Variants in MCPH1 observed in about 807,000 individuals in gnomAD.
MCPH1 encodes microcephalin.
In MCPH1, 104 loss-of-function variants were observed where a neutral mutation model predicts 84.5. That is an observed-to-expected ratio of 1.23 (90% confidence interval 1.05 to 1.45). MCPH1 has a LOEUF of 1.45. Ranked by LOEUF, MCPH1 falls within the 40% of genes most tolerant of loss-of-function variation. MCPH1 has a pLI of 0.00. For synonymous variants in MCPH1, 514 were observed against 366.8 expected (o/e 1.40, Z -4.58); for missense variants, 1,498 against 1,005.7 (o/e 1.49, Z -6.62).
Position 6,436,130 on chromosome 8 carries a change from C to G in MCPH1, c.404C>G (p.Ala135Gly), listed in dbSNP as rs760700224. 1.2e-6 allele frequency: 2 copies of G among 1,613,456 alleles called. No individual in the cohort carries two copies. The highest frequency in any genetic ancestry group is 2.2e-5 in the East Asian group (1 of 44,848). Residue 135 changes from alanine to glycine, a missense_variant, in exon 5 of 14, where the codon GCT becomes GGT. By Grantham distance (60) the Ala-to-Gly change is moderately conservative. Transcript: ENST00000344683. ...TTTCAGAAGAAATTTGAGAAAATGGCTAAAGAGCTACAAAGGCAAAAAACA... is the reference window on the plus strand; with the variant it reads ...TTTCAGAAGAAATTTGAGAAAATGGGTAAAGAGCTACAAAGGCAAAAAACA... ...KRFQKKFEKM[A>G]KELQRQKTNL...
At chr8:6,591,888 C>G (rs952067044) in intron 12 of MCPH1, among the ~76,000 whole-genome samples, 1 of 152,088 alleles carries the variant, frequency 6.6e-6, no homozygotes, top group Admixed American at 6.6e-5. Context: ...GTAGGTATAT[C>G]GTGTTCACTG....
intron 11 of MCPH1, among the ~76,000 whole-genome samples, chr8:6,481,816 G>A (rs1486730925): frequency 2.0e-5 from 3 of 152,172 alleles, no homozygotes; most frequent in Admixed American, 6.5e-5. Context: ...TATTAGTACT[G>A]CTTTATGTTT....
chr8:6,526,070 T>G (rs1185279267), intron 12 of MCPH1, among the ~76,000 whole-genome samples: 1 of 152,046 alleles, frequency 6.6e-6, no homozygotes, highest in Non-Finnish European at 1.5e-5. Flanking sequence ...CCAGCTCCCA[T>G]GTGTTCCAGG....
At chr8:6,632,679 C>T (rs2433143) in intron 13 of MCPH1, among the ~76,000 whole-genome samples, 31,057 of 151,890 alleles carry the variant, frequency 0.2, 3,523 homozygotes, top group Non-Finnish European at 0.27. Flanking sequence ...CGTGGTGGCA[C>T]GTGCCTGTAG....
intron 6 of MCPH1, 76 bp from the exon 7 acceptor site, chr8:6,441,988 TAGG>T (rs892985360): frequency 5.2e-5 from 49 of 938,624 alleles, no homozygotes; most frequent in South Asian, 3.7e-4. Context: ...CTATGATTAA[TAGG>T]AGGACTTCCT....
At chr8:6,572,800 G>A (rs186383453) in intron 12 of MCPH1, among the ~76,000 whole-genome samples, 125 of 152,330 alleles carry the variant, frequency 8.2e-4, no homozygotes, top group Non-Finnish European at 1.4e-3. Flanking sequence ...TGTCCCATCT[G>A]GATGCACAAG....
intron 12 of MCPH1, among the ~76,000 whole-genome samples, chr8:6,576,682 ATTTTTTTTTTTTTTTTTTTTT>A (rs58486084): frequency 1.6e-3 from 67 of 42,348 alleles, no homozygotes; most frequent in Middle Eastern, 0.018. Context: ...TAATTTTTGT[ATTTTTTTTTTTTTTTTTTTTT>A]TTTTTTTTTT....
chr8:6,407,131 G>T (rs2129550385), intron 1 of MCPH1: 3 of 258,242 alleles, frequency 1.2e-5, no homozygotes. Context: ...CTCACTGGCA[G>T]GCAGAGTCCT....
chr8:6,594,598 C>G (rs1390052089), intron 12 of MCPH1, among the ~76,000 whole-genome samples: 5 of 152,184 alleles, frequency 3.3e-5, no homozygotes, highest in African/African-American at 1.2e-4. Context: ...TCGCATCAGG[C>G]CAGATTGTTT....
chr8:6,448,638 T>C (rs1804710150), intron 8 of MCPH1, among the ~76,000 whole-genome samples: 1 of 152,200 alleles, frequency 6.6e-6, no homozygotes. Flanking sequence ...TGTGTGTGTG[T>C]CTACAAGCAT....
At chr8:6,542,789 A>T (rs1392075370) in intron 12 of MCPH1, among the ~76,000 whole-genome samples, 1 of 152,106 alleles carries the variant, frequency 6.6e-6, no homozygotes. Flanking sequence ...TCATCTCTGA[A>T]GTGGGCAGTT....
chr8:6,625,534 TTAAA>T lies in MCPH1; in HGVS notation c.2452+3849_2452+3852del, dbSNP rs201338894. On this transcript the variant is annotated intron_variant, in intron 13 of 13. Transcript: ENST00000344683. ...CAAATCGAAAAAGAAGTTATTTTGT[TTAAA>T]TAAATTAAATTATGAAAAGACAATA... is the stretch of plus-strand genomic sequence containing the variant. The T allele has an allele frequency of 4.8e-4, 465 of 973,974 alleles. 1 individual carries two copies. The African/African-American group carries it at 7.4e-3, about 15-fold the overall frequency. 60.3% of individuals were successfully genotyped at this position (973,974 alleles called of 1,614,324 possible).
chr8:6,583,246 AT>A (rs563319107), intron 12 of MCPH1, among the ~76,000 whole-genome samples: 32 of 151,112 alleles, frequency 2.1e-4, no homozygotes, highest in African/African-American at 5.8e-4. Flanking sequence ...TTTATGCTTG[AT>A]TTTTTTTTAT....
intron 11 of MCPH1, among the ~76,000 whole-genome samples, chr8:6,482,235 G>A (rs991067861): frequency 3.3e-5 from 5 of 152,188 alleles, no homozygotes; most frequent in African/African-American, 1.2e-4. Context: ...AAAGGTGAAC[G>A]TTGTCCACTT....
intron 12 of MCPH1, among the ~76,000 whole-genome samples, chr8:6,611,720 G>C (rs373963639): frequency 3.3e-5 from 5 of 152,132 alleles, no homozygotes; most frequent in Non-Finnish European, 5.9e-5. Flanking sequence ...CCGGGTTCTC[G>C]CCATTCTCCT....
intron 11 of MCPH1, among the ~76,000 whole-genome samples, chr8:6,498,641 G>T (rs1328003303): frequency 6.6e-6 from 1 of 152,142 alleles, no homozygotes; most frequent in Non-Finnish European, 1.5e-5. Context: ...TTTAAGGCTG[G>T]TTCATGGCTT....
chr8:6,605,365 G>A (rs972454447), intron 12 of MCPH1, among the ~76,000 whole-genome samples: 1 of 152,158 alleles, frequency 6.6e-6, no homozygotes. Flanking sequence ...GGTGAGTTTT[G>A]TAACTAGAGC....
At chr8:6,509,767 C>G (rs1417963246) in intron 12 of MCPH1, among the ~76,000 whole-genome samples, 1 of 152,146 alleles carries the variant, frequency 6.6e-6, no homozygotes, top group African/African-American at 2.4e-5. Flanking sequence ...TTTGGAGCAT[C>G]ATAGCTTAGC....
rs551854809 is a variant in MCPH1 at position 6,523,831 on chromosome 8, T to C, written c.2214+23902T>C. ...CTCGAACTCCTGACTTCCTGATTCG[T>C]CCACCTCGGCCTTCCAAAGTGCTGG... On this transcript the variant is annotated intron_variant, in intron 12 of 13. Coordinates refer to ENST00000344683, the MANE Select transcript of MCPH1 (RefSeq NM_024596.5). 9.4e-4 allele frequency among the ~76,000 whole-genome samples: 142 copies of C among 151,692 alleles called. 7 individuals are homozygous for C. In the South Asian group the frequency reaches 0.029, roughly 31 times the overall value.
Sources: allele counts gnomAD v4.1 joint callset (sites outside exome capture counted in the v4.1 genomes callset), GRCh38; gene constraint gnomAD v4.1.1; transcripts MANE v1.5; gene names NCBI Gene and HGNC (gene_info 2026-07-23, HGNC 2026-07-21).